The following PCDHA3 variants were observed in gnomAD, a reference collection of about 807,000 sequenced individuals.
PCDHA3 encodes the protein protocadherin alpha 3, also known as protocadherin alpha-3.
PCDHA3 carries 41 observed loss-of-function variants against 62.2 expected under a neutral mutation model. The ratio of observed to expected loss-of-function variants is 0.66; its 90% CI spans 0.51 to 0.86. The LOEUF (loss-of-function observed/expected upper bound fraction) is 0.86, where lower values mean the gene tolerates loss of function less well. Ranked by LOEUF, PCDHA3 falls within the 40% of genes least tolerant of loss-of-function variation. The pLI is 0.00. For synonymous variants in PCDHA3, 640 were observed against 555.4 expected, an observed-to-expected ratio of 1.15 and a Z score of -2.14; for missense variants, 1,304 against 1,241.2, an observed-to-expected ratio of 1.05 and a Z score of -0.76.
chr5:140,829,210 C>T (rs2150163892), intron 1 of PCDHA3: 28 of 1,614,110 alleles, frequency 1.7e-5, no homozygotes, highest in African/African-American at 6.7e-5. Flanking sequence ...CCCTAATTAG[C>T]GTGAACGACC....
chr5:140,822,151 A>T, intron 1 of PCDHA3: 3 of 1,614,248 alleles, frequency 1.9e-6, no homozygotes, highest in Non-Finnish European at 2.5e-6. Flanking sequence ...GAAGGACATC[A>T]ATGACAATCC....
At chr5:140,823,487 G>A (rs150930880) in intron 1 of PCDHA3, 1 of 1,613,144 alleles carries the variant, frequency 6.2e-7, no homozygotes, top group East Asian at 2.2e-5. Context: ...CGAGTGGGTG[G>A]CACCGGCGGC....
intron 1 of PCDHA3, among the ~76,000 whole-genome samples, chr5:140,888,562 G>T (rs781854673): frequency 6.6e-6 from 1 of 152,112 alleles, no homozygotes; most frequent in East Asian, 1.9e-4. Flanking sequence ...TCCTTTCAAG[G>T]CTTCATTTTA....
intron 1 of PCDHA3, chr5:140,930,452 G>A (rs2086853363): frequency 6.6e-6 from 1 of 151,826 alleles, no homozygotes; most frequent in Non-Finnish European, 1.5e-5. Flanking sequence ...CAAACTCCTA[G>A]CCTCAAGTGA....
chr5:140,843,885 G>A, intron 1 of PCDHA3: 1 of 709,038 alleles, frequency 1.4e-6, no homozygotes, highest in South Asian at 2.0e-5. Context: ...GCATAATACA[G>A]TATTAATCAT....
intron 1 of PCDHA3, among the ~76,000 whole-genome samples, chr5:140,908,630 CA>C (rs2074062492): frequency 6.6e-6 from 1 of 152,126 alleles, no homozygotes; most frequent in East Asian, 1.9e-4. Flanking sequence ...TTGAGGTCTC[CA>C]CTGTGATTCA....
At chr5:140,858,308 C>T in intron 1 of PCDHA3, 1 of 1,597,268 alleles carries the variant, frequency 6.3e-7, no homozygotes, top group Non-Finnish European at 8.6e-7. Context: ...GCAGAGGCGG[C>T]AGAGGGTGTG....
At chr5:140,857,987 C>A (rs1562532129) in intron 1 of PCDHA3, 2 of 1,596,876 alleles carry the variant, frequency 1.3e-6, no homozygotes, top group East Asian at 4.5e-5. Context: ...CCAGCGCCTA[C>A]TGGTGCTGGT....
At chr5:140,822,017 G>T (rs2150112982) in intron 1 of PCDHA3, 2 of 1,614,172 alleles carry the variant, frequency 1.2e-6, no homozygotes, top group South Asian at 1.1e-5. Context: ...CTGCAGAATG[G>T]CATTTTGTTT....
chr5:140,926,609 G>T, intron 1 of PCDHA3: 1 of 350,856 alleles, frequency 2.9e-6, no homozygotes, highest in Non-Finnish European at 5.0e-6. Flanking sequence ...CCTCGTCTCT[G>T]CACCCCTAGG....
intron 1 of PCDHA3, chr5:140,967,928 A>T (rs1438894870): frequency 3.1e-6 from 5 of 1,614,082 alleles, no homozygotes; most frequent in Non-Finnish European, 3.4e-6. Flanking sequence ...GGCCGTTCTC[A>T]GTGTCAATGA....
At chr5:141,007,379 C>T (rs1178671835) in intron 3 of PCDHA3, among the ~76,000 whole-genome samples, 1 of 139,926 alleles carries the variant, frequency 7.1e-6, no homozygotes, top group Non-Finnish European at 1.5e-5. Context: ...GATGGAACAC[C>T]ATCTCTACTA....
At chr5:140,857,543 G>A (rs782244721) in intron 1 of PCDHA3, 2 of 1,597,220 alleles carry the variant, frequency 1.3e-6, no homozygotes, top group Admixed American at 3.4e-5. Context: ...GCGGCGGTTG[G>A]GCGAGCGCTC....
chr5:140,884,059 G>A, intron 1 of PCDHA3: 4 of 1,613,546 alleles, frequency 2.5e-6, no homozygotes, highest in Non-Finnish European at 3.4e-6. Context: ...TGCGCGCGGT[G>A]GACGCCGATT....
In PCDHA3 at chr5:140,806,026, T is replaced by C. The variant is rs545736879; in HGVS notation, c.2394+2435T>C. 3.3e-5 allele frequency among the ~76,000 whole-genome samples: 5 copies of C among 152,270 alleles called. No individual in the cohort carries two copies. In the East Asian group the frequency reaches 9.6e-4, roughly 29 times the overall value. On this transcript the variant is annotated intron_variant, in intron 1 of 3. Transcript: ENST00000522353. ...CACATACTCAAATGCTTATAAGAGA[T>C]AAATTAATGTAATAAATGGCCCACG...
rs146837800 is a variant in PCDHA3 at position 140,833,801 on chromosome 5, A to T, written c.2394+30210A>T. On this transcript the variant is annotated intron_variant, in intron 1 of 3. Coordinates refer to ENST00000522353, the MANE Select transcript of PCDHA3 (RefSeq NM_018906.3). ...AAGTTTCTCTTTCATCAATCAGTAGATTCTTGAGATCCTGGGTCCCTAAAA... is the reference window on the plus strand; with the variant it reads ...AAGTTTCTCTTTCATCAATCAGTAGTTTCTTGAGATCCTGGGTCCCTAAAA... Among the ~76,000 whole-genome samples, 141 of 152,240 alleles carry T rather than the reference A, an allele frequency of 9.3e-4. 1 individual carries two copies. The highest frequency in any genetic ancestry group is 3.3e-3 in the African/African-American group (136 of 41,550).
chr5:140,991,838 G>T (rs1056330823), intron 3 of PCDHA3, among the ~76,000 whole-genome samples: 1 of 152,110 alleles, frequency 6.6e-6, no homozygotes, highest in Non-Finnish European at 1.5e-5. Context: ...CGGCAGAACC[G>T]CACTTCCAGA....
intron 1 of PCDHA3, among the ~76,000 whole-genome samples, chr5:140,910,519 G>T (rs187918127): frequency 4.6e-5 from 7 of 152,218 alleles, no homozygotes; most frequent in African/African-American, 4.8e-5. Flanking sequence ...AAGGATGCAG[G>T]TACTCCCCTC....
At chr5:140,861,646 T>C in intron 1 of PCDHA3, 1 of 291,698 alleles carries the variant, frequency 3.4e-6, no homozygotes, top group Non-Finnish European at 6.9e-6. Context: ...CAAAAGAATC[T>C]GTTTCTGAAA....
Sources: gnomAD v4.1 joint callset for allele counts (sites outside exome capture counted in the v4.1 genomes callset) on GRCh38, gnomAD v4.1.1 for gene constraint, MANE v1.5 for transcripts, NCBI Gene and HGNC (gene_info 2026-07-23, HGNC 2026-07-21) for gene names.